EPHB1: variants seen among roughly 807,000 people sequenced by gnomAD.
EPHB1 encodes the protein EPH receptor B1.
In EPHB1, 30 loss-of-function variants were observed where a neutral mutation model predicts 94.4. The ratio of observed to expected loss-of-function variants is 0.32; its 90% confidence interval spans 0.24 to 0.43. EPHB1 has a LOEUF of 0.43. EPHB1 is among the 20% of genes least tolerant of loss of function. EPHB1 has a pLI of 1.00. For synonymous variants in EPHB1, 522 were observed against 489.1 expected (o/e 1.07, Z -0.89); for missense variants, 1,055 against 1,308.3 (o/e 0.81, Z 2.99).
At chr3:135,213,238 A>T (rs1334290088) in intron 12 of EPHB1, among the ~76,000 whole-genome samples, 1 of 152,196 alleles carries the variant, frequency 6.6e-6, no homozygotes, top group Non-Finnish European at 1.5e-5. Flanking sequence ...TAATGAACAG[A>T]TCGAATTTTC....
chr3:135,159,825 T>C (rs535041091), intron 6 of EPHB1, among the ~76,000 whole-genome samples: 4 of 152,208 alleles, frequency 2.6e-5, no homozygotes, highest in Non-Finnish European at 5.9e-5. Flanking sequence ...TTCTGAATCA[T>C]TTATGGGCAT....
intron 1 of EPHB1, among the ~76,000 whole-genome samples, chr3:134,805,379 G>A (rs1365414694): frequency 6.6e-6 from 1 of 152,156 alleles, no homozygotes; most frequent in African/African-American, 2.4e-5. Context: ...CTCAGAGGCC[G>A]GGGGCAGGCA....
chr3:134,932,511 C>A (rs1406969091), intron 2 of EPHB1, among the ~76,000 whole-genome samples: 1 of 152,186 alleles, frequency 6.6e-6, no homozygotes, highest in African/African-American at 2.4e-5. Flanking sequence ...GGCCTCAGGT[C>A]CTGGCATCAA....
intron 12 of EPHB1, among the ~76,000 whole-genome samples, chr3:135,233,378 G>T (rs1307296651): frequency 1.3e-5 from 2 of 152,210 alleles, no homozygotes; most frequent in East Asian, 3.8e-4. Context: ...GTTCCAAAAT[G>T]ATATCCTTTG....
chr3:135,256,466 C>A (rs1933393548), intron 15 of EPHB1, among the ~76,000 whole-genome samples: 1 of 152,108 alleles, frequency 6.6e-6, no homozygotes, highest in African/African-American at 2.4e-5. Flanking sequence ...TTTATTTCTC[C>A]TTCCCTTATG....
chr3:134,848,670 G>A (rs370548631), intron 1 of EPHB1, among the ~76,000 whole-genome samples: 12 of 152,288 alleles, frequency 7.9e-5, no homozygotes, highest in African/African-American at 1.4e-4. Context: ...TGCGGGAGCC[G>A]TTGCAGGCTG....
chr3:135,118,086 A>C (rs563844433), intron 4 of EPHB1, among the ~76,000 whole-genome samples: 2 of 152,188 alleles, frequency 1.3e-5, no homozygotes, highest in South Asian at 4.1e-4. Context: ...GGAACTGAGC[A>C]CCAGGTAAGA....
intron 1 of EPHB1, among the ~76,000 whole-genome samples, chr3:134,834,508 C>T (rs926249776): frequency 1.3e-5 from 2 of 152,178 alleles, no homozygotes; most frequent in Non-Finnish European, 2.9e-5. Context: ...TCCCCAGGGG[C>T]CACCCTTGGG....
At chr3:135,082,357 A>T (rs746330676) in intron 3 of EPHB1, among the ~76,000 whole-genome samples, 2 of 152,218 alleles carry the variant, frequency 1.3e-5, no homozygotes, top group African/African-American at 2.4e-5. Context: ...AGACCAAATG[A>T]TGATGACGAT....
intron 3 of EPHB1, among the ~76,000 whole-genome samples, chr3:135,013,485 G>A (rs1935689741): frequency 6.6e-6 from 1 of 152,230 alleles, no homozygotes; most frequent in Admixed American, 6.5e-5. Context: ...AGACACATCT[G>A]GGAGAGTTAG....
At chr3:135,097,606 T>C (rs149795419) in intron 3 of EPHB1, among the ~76,000 whole-genome samples, 1 of 152,230 alleles carries the variant, frequency 6.6e-6, no homozygotes, top group Admixed American at 6.5e-5. Flanking sequence ...CTGCTACTGC[T>C]GTCTGAACAA....
intron 3 of EPHB1, among the ~76,000 whole-genome samples, chr3:135,091,786 GC>G (rs1217260233): frequency 6.6e-6 from 1 of 152,176 alleles, no homozygotes; most frequent in Admixed American, 6.5e-5. Flanking sequence ...AGTAGAGAGA[GC>G]AAGTGAAAGC....
intron 3 of EPHB1, among the ~76,000 whole-genome samples, chr3:135,079,281 T>C (rs555186196): frequency 6.6e-6 from 1 of 152,354 alleles, no homozygotes; most frequent in Admixed American, 6.5e-5. Context: ...TCTGGGCCTA[T>C]GCCTACATCC....
At chr3:135,109,624 C>T (rs192958540) in intron 4 of EPHB1, among the ~76,000 whole-genome samples, 36 of 152,348 alleles carry the variant, frequency 2.4e-4, no homozygotes, top group Admixed American at 2.0e-3. Context: ...CACCGAGCAT[C>T]ACAGCAGAAT....
chr3:135,116,705 G>C (rs889119058), intron 4 of EPHB1, among the ~76,000 whole-genome samples: 1 of 152,168 alleles, frequency 6.6e-6, no homozygotes, highest in African/African-American at 2.4e-5. Context: ...GCCCCTGTCT[G>C]TACACCCACC....
chr3:135,225,127 TA>T (rs1943363334), intron 12 of EPHB1, among the ~76,000 whole-genome samples: 1 of 152,198 alleles, frequency 6.6e-6, no homozygotes, highest in African/African-American at 2.4e-5. Flanking sequence ...TCTTCACACC[TA>T]CTCTGCTGCA....
chr3:134,871,511 T>C (rs1453332521), intron 1 of EPHB1, among the ~76,000 whole-genome samples: 1 of 152,126 alleles, frequency 6.6e-6, no homozygotes, highest in Non-Finnish European at 1.5e-5. Context: ...AGATGTGAGG[T>C]TGTTGTTCTG....
Position 135,001,472 on chromosome 3 carries a change from C to G in EPHB1, c.805+49420C>G, listed in dbSNP as rs1935174688. 3.9e-5 allele frequency among the ~76,000 whole-genome samples: 6 copies of G among 152,168 alleles called. No homozygotes were observed. In the South Asian group the frequency reaches 1.2e-3, roughly 32 times the overall value. ...ACCTGCTGCTGGACCCATGACCACA[C>G]TCAGGACTTTAAAAGATCATATGCC... On this transcript the variant is annotated intron_variant, in intron 3 of 15. Transcript: ENST00000398015.
intron 15 of EPHB1, among the ~76,000 whole-genome samples, chr3:135,252,864 C>T (rs1933188204): frequency 2.7e-5 from 4 of 146,630 alleles, no homozygotes. Flanking sequence ...TCTCCACATC[C>T]TCTCCAGCAC....
Sources: gnomAD v4.1 joint callset for allele counts (sites outside exome capture counted in the v4.1 genomes callset) on GRCh38, gnomAD v4.1.1 for gene constraint, MANE v1.5 for transcripts, NCBI Gene and HGNC (gene_info 2026-07-23, HGNC 2026-07-21) for gene names.